Variants in HSPA4 observed in about 807,000 individuals in gnomAD.
HSPA4 encodes the protein heat shock 70 kDa protein 4.
Under a neutral mutation model 106.2 loss-of-function variants are expected in HSPA4, and 25 were observed. The observed-to-expected ratio is 0.24, with a 90% CI of 0.17 to 0.33. The LOEUF (loss-of-function observed/expected upper bound fraction) is 0.33, where lower values mean the gene tolerates loss of function less well. Among genes scored for constraint, HSPA4 ranks in the 10% least tolerant of loss-of-function variants. The pLI is 1.00. For missense variants in HSPA4, 841 were observed against 996.0 expected, an observed-to-expected ratio of 0.84 and a Z score of 2.10; for synonymous variants, 332 against 333.6, an observed-to-expected ratio of 1.00 and a Z score of 0.05.
chr5:133,104,188 T>G (rs200296000), intron 18 of HSPA4, 45 bp from the exon 19 acceptor site: 264 of 1,584,308 alleles, frequency 1.7e-4, no homozygotes, highest in Non-Finnish European at 2.1e-4. Flanking sequence ...CTTGTAAAAT[T>G]TGTTAATTTT....
At chr5:133,100,865 GTGT>G (rs999703699) in intron 16 of HSPA4, among the ~76,000 whole-genome samples, 13 of 152,310 alleles carry the variant, frequency 8.5e-5, no homozygotes, top group Middle Eastern at 3.4e-3. Context: ...GAGTTCAGTG[GTGT>G]TATCACGGCT....
chr5:133,090,149 A>G (rs1765627654), intron 11 of HSPA4, among the ~76,000 whole-genome samples: 1 of 152,116 alleles, frequency 6.6e-6, no homozygotes, highest in Admixed American at 6.5e-5. Context: ...TGTATATAGA[A>G]AATAGCCAGG....
chr5:133,090,103 G>A (rs1323628761), intron 11 of HSPA4, among the ~76,000 whole-genome samples: 3 of 152,098 alleles, frequency 2.0e-5, no homozygotes, highest in South Asian at 2.1e-4. Flanking sequence ...AGGAGTTAAC[G>A]AAATTCAGTT....
At chr5:133,078,435 G>A (rs1394095281) in intron 7 of HSPA4, among the ~76,000 whole-genome samples, 1 of 151,890 alleles carries the variant, frequency 6.6e-6, no homozygotes, top group Admixed American at 6.6e-5. Flanking sequence ...AGGAGTTAGA[G>A]ACCAGCCTAG....
At position 133,105,057 on chromosome 5, in the gene HSPA4, G is replaced by T. The variant is rs546062182; in HGVS notation, c.*621G>T. The T allele has an allele frequency of 2.0e-5, 3 of 152,072 alleles. No homozygotes were observed. In the South Asian group the frequency reaches 6.2e-4, roughly 32 times the overall value. The allele number at this position is 152,072 out of a possible 1,614,324, so 9.4% of individuals were successfully genotyped here. Reference sequence around the variant, plus strand: ...TTCTCTTGGGAAAATAGACCCCCTTGCCTAGAGTAAGTTGTTAACTGAGGG... The same window carrying T: ...TTCTCTTGGGAAAATAGACCCCCTTTCCTAGAGTAAGTTGTTAACTGAGGG... On this transcript the variant is annotated 3_prime_UTR_variant, in exon 19 of 19. Coordinates refer to ENST00000304858, the MANE Select transcript of HSPA4 (RefSeq NM_002154.4).
chr5:133,063,403 G>A (rs1413939596), intron 1 of HSPA4, among the ~76,000 whole-genome samples: 1 of 152,086 alleles, frequency 6.6e-6, no homozygotes, highest in Non-Finnish European at 1.5e-5. Flanking sequence ...ACAGGCTTGA[G>A]CCACTGCGCC....
chr5:133,060,368 A>G (rs1765225588), intron 1 of HSPA4, among the ~76,000 whole-genome samples: 1 of 149,972 alleles, frequency 6.7e-6, no homozygotes, highest in Non-Finnish European at 1.5e-5. Flanking sequence ...GTGCTGTTAT[A>G]CTTTTTTTTT....
chr5:133,063,082 G>C (rs1332957749), intron 1 of HSPA4, among the ~76,000 whole-genome samples: 1 of 151,238 alleles, frequency 6.6e-6, no homozygotes, highest in Non-Finnish European at 1.5e-5. Flanking sequence ...CATGACCCTG[G>C]ATAAATTTAT....
intron 6 of HSPA4, 96 bp from the exon 7 acceptor site, chr5:133,076,558 T>C (rs1038932214): frequency 1.1e-5 from 10 of 944,968 alleles, no homozygotes; most frequent in East Asian, 2.8e-5. Context: ...ACCCTCCCTC[T>C]TTTTTTTTAG....
chr5:133,083,144 C>CAA (rs1234574679), intron 7 of HSPA4, among the ~76,000 whole-genome samples: 1,922 of 70,686 alleles, frequency 0.027, 54 homozygotes, highest in African/African-American at 0.084. Context: ...CAAAAAAATA[C>CAA]AAAAAAAAAA....
chr5:133,100,199 G>A (rs1008437073), intron 16 of HSPA4, among the ~76,000 whole-genome samples: 4 of 151,834 alleles, frequency 2.6e-5, no homozygotes, highest in African/African-American at 9.7e-5. Flanking sequence ...GAGTAGCTGG[G>A]ATTACAGGCG....
At chr5:133,053,151 T>G (rs1042327185) in intron 1 of HSPA4, among the ~76,000 whole-genome samples, 3 of 152,096 alleles carry the variant, frequency 2.0e-5, no homozygotes, top group Non-Finnish European at 2.9e-5. Context: ...CTAGAACCCA[T>G]AGTAAGTTTT....
rs1338957645 is a variant in HSPA4 at position 133,092,813 on chromosome 5, T to TTTTTG, written c.1650+28_1650+29insGTTTT. On this transcript the variant is annotated intron_variant, in intron 13 of 18. Coordinates refer to ENST00000304858, the MANE Select transcript of HSPA4 (RefSeq NM_002154.4). The stretch of plus-strand genomic sequence containing the variant: ...AGGTATGCATTGGGTGGTGTTTTTT[T>TTTTTG]TTTTTTTTTTTTTTTTTTTTTTTTT... The TTTTTG allele has an allele frequency of 2.0e-5, 11 of 550,272 alleles. No homozygotes were observed. In the African/African-American group the frequency reaches 6.5e-4, roughly 33 times the overall value. 34.1% of individuals were successfully genotyped at this position (550,272 alleles called of 1,614,324 possible).
chr5:133,076,597 C>T (rs1351513802), intron 6 of HSPA4, 57 bp from the exon 7 acceptor site: 1 of 1,477,726 alleles, frequency 6.8e-7, no homozygotes, highest in Non-Finnish European at 9.3e-7. Context: ...AAATATATAT[C>T]ATCTGTTTCA....
intron 1 of HSPA4, among the ~76,000 whole-genome samples, chr5:133,063,508 G>T (rs888335070): frequency 6.6e-6 from 1 of 151,988 alleles, no homozygotes; most frequent in Non-Finnish European, 1.5e-5. Context: ...TTGGCTCACT[G>T]CAACCTCCGT....
At position 133,097,280 on chromosome 5, in the gene HSPA4, T is replaced by G; in HGVS notation, c.1923T>G (p.Ser641Arg). ...KLSGEYEKFV[S>R]EDDRNSFTLK... ...GTGGTGAATATGAGAAGTTTGTGAG[T>G]GAAGATGTAAGTCTGCCACAATATG... The change falls in exon 15 of 19, where the codon AGT (serine) becomes AGG (arginine). Residue 641 changes from serine to arginine, a missense_variant. Around this residue, in one of 5 missense-constraint regions of HSPA4, gnomAD observed 328 missense variants for 372.2 expected, o/e 0.88. Coordinates refer to ENST00000304858, the MANE Select transcript of HSPA4 (RefSeq NM_002154.4). 14 of 1,612,546 alleles carry G rather than the reference T, an allele frequency of 8.7e-6. No individual in the cohort carries two copies. The highest frequency in any genetic ancestry group is 1.2e-5 in the Non-Finnish European group (14 of 1,178,960).
At chr5:133,060,063 T>C (rs908078344) in intron 1 of HSPA4, among the ~76,000 whole-genome samples, 3 of 104,238 alleles carry the variant, frequency 2.9e-5, no homozygotes, top group Admixed American at 8.0e-5. Flanking sequence ...GGTATATCAG[T>C]TTTACTTTTT....
chr5:133,104,118 G>A, intron 18 of HSPA4, 92 bp downstream of exon 18: 1 of 1,413,706 alleles, frequency 7.1e-7, no homozygotes, highest in Non-Finnish European at 9.8e-7. Flanking sequence ...TTATTATAGT[G>A]TTTTAGCTTC....
intron 1 of HSPA4, among the ~76,000 whole-genome samples, chr5:133,054,836 A>T (rs534982080): frequency 3.2e-4 from 48 of 152,246 alleles, no homozygotes; most frequent in African/African-American, 1.1e-3. Context: ...GGAACTGAAA[A>T]GGCTAAAGCG....
Sources: gnomAD v4.1 joint callset for allele counts (sites outside exome capture counted in the v4.1 genomes callset) on GRCh38, gnomAD v4.1.1 for gene constraint, gnomAD v4.1.1 regional missense constraint, MANE v1.5 for transcripts, NCBI Gene and HGNC (gene_info 2026-07-23, HGNC 2026-07-21) for gene names.